Variants in NACC2 observed in about 807,000 individuals in gnomAD.
The protein encoded by NACC2 is NACC family member 2, also known as nucleus accumbens-associated protein 2.
Under a neutral mutation model 25.1 loss-of-function variants are expected in NACC2, and 8 were observed. That is an observed-to-expected ratio of 0.32 (90% CI 0.19 to 0.57). NACC2 has a LOEUF of 0.57. NACC2 is among the 20% of genes least tolerant of loss of function. The pLI is 0.89. For missense variants in NACC2, 644 were observed against 650.2 expected, an observed-to-expected ratio of 0.99 and a Z score of 0.10; for synonymous variants, 435 against 294.7, an observed-to-expected ratio of 1.48 and a Z score of -4.88.
In NACC2 at chr9:136,020,392, T is replaced by TCCTGTC. The variant is rs1406456453; in HGVS notation, c.887-3969_887-3964dup. Among the ~76,000 whole-genome samples the TCCTGTC allele has an allele frequency of 6.6e-6, 1 of 152,026 alleles. No homozygotes were observed. Among genetic ancestry groups the TCCTGTC allele is most frequent in the Non-Finnish European group, 1.5e-5 (1 of 68,000 alleles). ...GGATGTCCCAGATGGCGAGCCCTGT[T>TCCTGTC]CCTGTCCCCAAGGCAGAGTGTGTCA... On this transcript the variant is annotated intron_variant, in intron 2 of 5. Transcript: ENST00000277554. The surrounding 1 kb of genome is among the most constrained non-coding windows in gnomAD (Gnocchi z 4.7).
rs56102761 is a variant in NACC2, at chr9:136,007,465, GCACACA to G, written c.*4045_*4050del. On this transcript the variant is annotated 3_prime_UTR_variant, in exon 6 of 6. Transcript: ENST00000277554. Reference sequence around the variant, plus strand: ...CGCGCACACACACGCGCACACAGACGCACACACACAGACGCACACACGCACAGACAC... The same window carrying G: ...CGCGCACACACACGCGCACACAGACGCACAGACGCACACACGCACAGACAC... The G allele has an allele frequency of 1.1e-4, 17 of 150,260 alleles. No homozygotes were observed. Among genetic ancestry groups the G allele is most frequent in the Middle Eastern group, 5.5e-4 (1 of 1,834 alleles). 9.3% of individuals were successfully genotyped at this position (150,260 alleles called of 1,614,324 possible). A position where few individuals can be genotyped will look rare whatever the true frequency, so the allele number is the denominator to read the frequency against.
chr9:136,084,436 G>C lies in NACC2; in HGVS notation c.-60+10753C>G, dbSNP rs529095791. Among the ~76,000 whole-genome samples the C allele has an allele frequency of 3.3e-5, 5 of 152,306 alleles. No individual in the cohort carries two copies. The South Asian group carries it at 8.3e-4, about 25-fold the overall frequency. On this transcript the variant is annotated intron_variant, in intron 1 of 5. Coordinates refer to ENST00000277554, the MANE Select transcript of NACC2 (RefSeq NM_144653.5). This position sits in a 1 kb window ranked among gnomAD's most constrained non-coding sequence, Gnocchi z 5.1. ...TCTCCGCTGGTGGGGCAACGTCCAA[G>C]AAGGCGGTATCTCTGACGTCCCTGC...
At position 136,022,740 on chromosome 9, in the gene NACC2, T is replaced by G. The variant is rs974271607; in HGVS notation, c.887-6311A>C. On this transcript the variant is annotated intron_variant, in intron 2 of 5. Transcript: ENST00000277554. This position sits in a 1 kb window ranked among gnomAD's most constrained non-coding sequence, Gnocchi z 4.4. ...GGCTGGGGCAGTGCCTCTGTCATCC[T>G]CCAGAAAGACCAGAAACGACTTCCA... Among the ~76,000 whole-genome samples, 18 of 151,890 alleles carry G rather than the reference T, an allele frequency of 1.2e-4. No homozygotes were observed. The highest frequency in any genetic ancestry group is 2.6e-4 in the Non-Finnish European group (18 of 67,978).
At chr9:136,061,420 C>G (rs766970546) in intron 1 of NACC2, among the ~76,000 whole-genome samples, 1 of 152,184 alleles carries the variant, frequency 6.6e-6, no homozygotes, top group Non-Finnish European at 1.5e-5. Context: ...GGTCACCAGG[C>G]CCAGCTCCCA....
At chr9:136,088,754 C>G (rs1031522485) in intron 1 of NACC2, among the ~76,000 whole-genome samples, 3 of 152,180 alleles carry the variant, frequency 2.0e-5, no homozygotes, top group African/African-American at 7.2e-5. Context: ...CTAGGGTCCC[C>G]TGGCCACAGA....
In NACC2 at chr9:136,018,321, AG is replaced by A. The variant is rs1840233734; in HGVS notation, c.887-1893del. On this transcript the variant is annotated intron_variant, in intron 2 of 5. Coordinates refer to ENST00000277554, the MANE Select transcript of NACC2 (RefSeq NM_144653.5). This position sits in a 1 kb window ranked among gnomAD's most constrained non-coding sequence, Gnocchi z 4.4. Reference sequence around the variant, plus strand: ...AGCCTGAGGAGGGCAGGAGGCAGGGAGGGTCCCAGAGTCACCTTTGCACCCA... The same window carrying A: ...AGCCTGAGGAGGGCAGGAGGCAGGGAGGTCCCAGAGTCACCTTTGCACCCA... Among the ~76,000 whole-genome samples, 1 of 151,982 alleles carries A rather than the reference AG, an allele frequency of 6.6e-6. No homozygotes were observed. Among genetic ancestry groups the A allele is most frequent in the South Asian group, 2.1e-4 (1 of 4,818 alleles).
chr9:136,011,876 C>A lies in NACC2; in HGVS notation c.1404G>T (p.Thr468=). 6.4e-7 allele frequency: 1 copy of A among 1,569,534 alleles called. No homozygotes were observed. The highest frequency in any genetic ancestry group is 8.6e-7 in the Non-Finnish European group (1 of 1,161,256). ...CGCTGGCGGCGGCGGAGCCCATGAC[C>A]GTGCGGTACATCTCCACGCCCTCCG... is the stretch of plus-strand genomic sequence containing the variant. ...MLPEGVEMYR[T]VMGSAAASVP... is the part of the protein sequence containing the mutation. Residue 468 remains threonine, a synonymous_variant, in exon 6 of 6, where the codon ACG becomes ACT. Transcript: ENST00000277554.
chr9:136,077,948 C>G (rs1830280717), intron 1 of NACC2, among the ~76,000 whole-genome samples: 2 of 152,072 alleles, frequency 1.3e-5, no homozygotes, highest in Admixed American at 1.3e-4. Flanking sequence ...TTTTGTACTT[C>G]TTTTTAGTAG....
chr9:136,026,865 A>G (rs756888238), intron 2 of NACC2, among the ~76,000 whole-genome samples: 1 of 152,266 alleles, frequency 6.6e-6, no homozygotes, highest in Non-Finnish European at 1.5e-5. Context: ...AGACCAATGG[A>G]CAAGACGGTA....
At position 136,013,925 on chromosome 9, in the gene NACC2, G is replaced by A; in HGVS notation, c.1096C>T (p.Leu366=). The A allele has an allele frequency of 1.2e-6, 2 of 1,612,898 alleles. No homozygotes were observed. The highest frequency in any genetic ancestry group is 1.1e-5 in the South Asian group (1 of 91,078). The stretch of plus-strand genomic sequence containing the variant: ...ACCTTATGCTTCACCCCTGCACACA[G>A]GTGGCAGTTCATCAGCTGGCCGCGT... The part of the protein sequence containing the change: ...ITRGQLMNCH[L]CAGVKHKVLL... Residue 366 remains leucine (L), a synonymous_variant, in exon 4 of 6, where the codon CTG becomes TTG. Coordinates refer to ENST00000277554, the MANE Select transcript of NACC2 (RefSeq NM_144653.5). The surrounding 1 kb of genome is among the most constrained non-coding windows in gnomAD (Gnocchi z 6.6).
chr9:136,008,728 G>A lies in NACC2; in HGVS notation c.*2788C>T, dbSNP rs953843058. 9 of 152,460 alleles carry A rather than the reference G, an allele frequency of 5.9e-5. No homozygotes were observed. Among genetic ancestry groups the A allele is most frequent in the African/African-American group, 2.2e-4 (9 of 41,584 alleles). 9.4% of individuals were successfully genotyped at this position (152,460 alleles called of 1,614,324 possible). On this transcript the variant is annotated 3_prime_UTR_variant, in exon 6 of 6. Transcript: ENST00000277554. ...GCCCGGGCCGCCGCCCCCGCCCCAC[G>A]GTACATTCAGGACGTGGAGGGAGCA... is the stretch of plus-strand genomic sequence containing the variant.
At chr9:136,053,786 G>A (rs1278216045) in intron 1 of NACC2, among the ~76,000 whole-genome samples, 1 of 152,216 alleles carries the variant, frequency 6.6e-6, no homozygotes, top group Non-Finnish European at 1.5e-5. Context: ...AGTCATACAG[G>A]GGCTTTTGTA....
At position 136,050,340 on chromosome 9, in the gene NACC2, C is replaced by T; in HGVS notation, c.182G>A (p.Gly61Asp). Reference protein sequence around the residue: ...SSLYFRDLFSGNSKSAFELPG... With the variant: ...SSLYFRDLFSDNSKSAFELPG... ...CAGCTCGAAGGCGCTCTTGCTGTTG[C>T]CGCTGAACAGGTCGCGGAAGTAGAG... Residue 61 changes from glycine (G) to aspartate (D), a missense_variant, in exon 2 of 6, where the codon GGC (glycine) becomes GAC (aspartate). Gly to Asp is a moderately conservative substitution (Grantham distance 94). Coordinates refer to ENST00000277554, the MANE Select transcript of NACC2 (RefSeq NM_144653.5). 4.0e-6 allele frequency: 3 copies of T among 742,656 alleles called. No individual in the cohort carries two copies. Among genetic ancestry groups the T allele is most frequent in the Admixed American group, 1.8e-5 (1 of 54,232 alleles). The allele number at this position is 742,656 out of a possible 1,614,324, so 46.0% of individuals were successfully genotyped here. A position where few individuals can be genotyped will look rare whatever the true frequency, so the allele number is the denominator to read the frequency against.
intron 1 of NACC2, among the ~76,000 whole-genome samples, chr9:136,051,524 G>A (rs1264162135): frequency 1.3e-5 from 2 of 152,176 alleles, no homozygotes; most frequent in African/African-American, 2.4e-5. Context: ...GGGGGCGGGG[G>A]CGGCCCAGAA....
intron 1 of NACC2, among the ~76,000 whole-genome samples, chr9:136,092,824 CCT>C (rs1181753939): frequency 1.3e-5 from 2 of 152,230 alleles, no homozygotes; most frequent in African/African-American, 2.4e-5. Flanking sequence ...CTGCTGCCCC[CCT>C]GTGGACTCCG....
rs965015333 is a variant in NACC2, at chr9:136,011,788, C to T, written c.1492G>A (p.Glu498Lys). ...ATGGTGGCGGCGTCGCCCCGCCGCT[C>T]GGCGTAGATGCGTTGCTCGAACACC... The part of the protein sequence containing the change: ...AQVFEQRIYA[E>K]RRGDAATIVA... The change falls in exon 6 of 6, where the codon GAG (glutamate) becomes AAG (lysine). Residue 498 changes from glutamate (E) to lysine (K), a missense_variant. Coordinates refer to ENST00000277554, the MANE Select transcript of NACC2 (RefSeq NM_144653.5). 1.1e-5 allele frequency: 17 copies of T among 1,554,658 alleles called. No homozygotes were observed. The highest frequency in any genetic ancestry group is 7.5e-5 in the Admixed American group (4 of 53,440).
intron 2 of NACC2, among the ~76,000 whole-genome samples, chr9:136,026,045 A>G (rs535455780): frequency 1.3e-5 from 2 of 152,290 alleles, no homozygotes; most frequent in South Asian, 2.1e-4. Context: ...TTGATGCAGA[A>G]TAAGAAAGAA....
rs539103177 is a variant in NACC2, at chr9:136,035,608, G to A, written c.886+14028C>T. Among the ~76,000 whole-genome samples, 1,310 of 152,072 alleles carry A rather than the reference G, an allele frequency of 8.6e-3. 12 individuals are homozygous for A. Among genetic ancestry groups the A allele is most frequent in the Non-Finnish European group, 0.012 (834 of 67,980 alleles). The stretch of plus-strand genomic sequence containing the variant: ...CTAAAGAACAATATTGAGACAACTG[G>A]AAAAAGGTACAGTCTGTAGTTACAT... On this transcript the variant is annotated intron_variant, in intron 2 of 5. Coordinates refer to ENST00000277554, the MANE Select transcript of NACC2 (RefSeq NM_144653.5).
rs149238913 is a variant in NACC2 at position 136,011,875 on chromosome 9, C to G, written c.1405G>C (p.Val469Leu). ...LPEGVEMYRTVMGSAAASVPL... is the reference protein window; with the variant it reads ...LPEGVEMYRTLMGSAAASVPL... ...ACGCTGGCGGCGGCGGAGCCCATGACCGTGCGGTACATCTCCACGCCCTCC... is the reference window on the plus strand; with the variant it reads ...ACGCTGGCGGCGGCGGAGCCCATGAGCGTGCGGTACATCTCCACGCCCTCC... Residue 469 changes from valine (V) to leucine (L), a missense_variant, in exon 6 of 6, where the codon GTC becomes CTC. Val to Leu is a conservative substitution (Grantham distance 32). Coordinates refer to ENST00000277554, the MANE Select transcript of NACC2 (RefSeq NM_144653.5). The G allele has an allele frequency of 5.1e-5, 80 of 1,568,982 alleles. No homozygotes were observed. In the African/African-American group the frequency reaches 1.0e-3, roughly 20 times the overall value.
Sources: gnomAD v4.1 joint callset for allele counts (sites outside exome capture counted in the v4.1 genomes callset) on GRCh38, gnomAD v4.1.1 for gene constraint, Gnocchi (gnomAD v3.1) non-coding constraint, MANE v1.5 for transcripts, NCBI Gene and HGNC (gene_info 2026-07-23, HGNC 2026-07-21) for gene names.